Variants in CRAT observed in about 807,000 individuals in gnomAD.
The protein encoded by CRAT is carnitine O-acetyltransferase.
A neutral mutation model predicts 73.7 loss-of-function variants in CRAT; 66 were observed. The ratio of observed to expected loss-of-function variants is 0.90; its 90% CI spans 0.73 to 1.10. The LOEUF (loss-of-function observed/expected upper bound fraction) is 1.10. Among genes scored for constraint, CRAT ranks in the 50% least tolerant of loss-of-function variants. The pLI is 0.00. For synonymous variants in CRAT, 321 were observed against 343.2 expected, an observed-to-expected ratio of 0.94 and a Z score of 0.71; for missense variants, 745 against 846.9, an observed-to-expected ratio of 0.88 and a Z score of 1.49.
chr9:129,101,294 A>G (rs2182730), intron 6 of CRAT, among the ~76,000 whole-genome samples: 151,736 of 152,348 alleles, frequency 1, 75,570 homozygotes, highest in Middle Eastern at 1. Flanking sequence ...TGGGAAAAGG[A>G]CTTGTGGGGT....
intron 1 of CRAT, chr9:129,108,596 G>A: frequency 1.9e-6 from 2 of 1,059,050 alleles, no homozygotes; most frequent in Admixed American, 3.4e-5. Flanking sequence ...GGCAGGGGTG[G>A]GGTGAGGGCA....
Position 129,097,235 on chromosome 9 carries a change from A to G in CRAT, c.1527+15T>C. 1.3e-6 allele frequency: 2 copies of G among 1,551,278 alleles called. No individual in the cohort carries two copies. The highest frequency in any genetic ancestry group is 1.4e-5 in the African/African-American group (1 of 73,778). On this transcript the variant is annotated intron_variant, in intron 12 of 13. Transcript: ENST00000318080. Reference sequence around the variant, plus strand: ...ACTAAGGGACAAGTGAGTAGGCACAAGCGGGCTCACTTACCCGGTCGGTGT... The same window carrying G: ...ACTAAGGGACAAGTGAGTAGGCACAGGCGGGCTCACTTACCCGGTCGGTGT...
At position 129,099,941 on chromosome 9, in the gene CRAT, C is replaced by A; in HGVS notation, c.1010G>T (p.Cys337Phe). The change falls in exon 8 of 14, where the codon TGT becomes TTT. Residue 337 changes from cysteine to phenylalanine, a missense_variant. Cys to Phe is a radical substitution (Grantham distance 205). Coordinates refer to ENST00000318080, the MANE Select transcript of CRAT (RefSeq NM_000755.5). ...LQFIVAEDGS[C>F]GLVYEHAAAE... The stretch of plus-strand genomic sequence containing the variant: ...TGCAGCATGCTCGTACACAAGCCCA[C>A]AGGAGCCATCTTCTGCCACGATGAA... 6.2e-7 allele frequency: 1 copy of A among 1,613,596 alleles called. No homozygotes were observed. The highest frequency in any genetic ancestry group is 1.3e-5 in the African/African-American group (1 of 75,048).
In CRAT at chr9:129,099,593, ATTTTT is replaced by A. The variant is rs67170109; in HGVS notation, c.1085+268_1085+272del. Among the ~76,000 whole-genome samples the A allele has an allele frequency of 5.5e-5, 8 of 145,092 alleles. No individual in the cohort carries two copies. The East Asian group carries it at 1.4e-3, about 26-fold the overall frequency. Reference sequence around the variant, plus strand: ...AGGCATGTGATACCACACCTGGGTAATTTTTTTTTTTTTTGTATTTTTAGTAGAGA... The same window carrying A: ...AGGCATGTGATACCACACCTGGGTAATTTTTTTTTGTATTTTTAGTAGAGA... On this transcript the variant is annotated intron_variant, in intron 8 of 13. Coordinates refer to ENST00000318080, the MANE Select transcript of CRAT (RefSeq NM_000755.5).
In CRAT at chr9:129,110,736, C is replaced by T. The variant is rs367764767; in HGVS notation, c.-227G>A. On this transcript the variant is annotated 5_prime_UTR_variant, in exon 1 of 14. Transcript: ENST00000318080. This position sits in a 1 kb window ranked among gnomAD's most constrained non-coding sequence, Gnocchi z 5.3. ...GAGGACTCGCGAGGCGGGGCCTGGGCCGGTAGCGGGCCCCGGGCGGGCAAC... is the reference window on the plus strand; with the variant it reads ...GAGGACTCGCGAGGCGGGGCCTGGGTCGGTAGCGGGCCCCGGGCGGGCAAC... 30 of 607,190 alleles carry T rather than the reference C, an allele frequency of 4.9e-5. No individual in the cohort carries two copies. Among genetic ancestry groups the T allele is most frequent in the South Asian group, 3.1e-4 (14 of 44,502 alleles). 37.6% of individuals were successfully genotyped at this position (607,190 alleles called of 1,614,324 possible).
chr9:129,110,403 G>A lies in CRAT; in HGVS notation c.27+80C>T. On this transcript the variant is annotated intron_variant, in intron 1 of 13. Coordinates refer to ENST00000318080, the MANE Select transcript of CRAT (RefSeq NM_000755.5). This position sits in a 1 kb window ranked among gnomAD's most constrained non-coding sequence, Gnocchi z 5.3. ...CCGGGTCGAACAGCGGCCGCAGGAC[G>A]CGGTCTCCGTTCCCGGACGCAACCG... The A allele has an allele frequency of 9.3e-6, 13 of 1,391,096 alleles. No individual in the cohort carries two copies. The highest frequency in any genetic ancestry group is 1.2e-5 in the Non-Finnish European group (13 of 1,053,686). The allele number at this position is 1,391,096 out of a possible 1,614,324, so 86.2% of individuals were successfully genotyped here.
In CRAT at chr9:129,102,570, G is replaced by A; in HGVS notation, c.465-5C>T. The stretch of plus-strand genomic sequence containing the variant: ...TACTCCACGGGCAGGGTCTCGCTAT[G>A]GGGTAGAGGGGCAGTGAGGCCACCA... On this transcript the variant is annotated splice_polypyrimidine_tract_variant and splice_region_variant and intron_variant, in intron 4 of 13. Coordinates refer to ENST00000318080, the MANE Select transcript of CRAT (RefSeq NM_000755.5). 5 of 1,613,768 alleles carry A rather than the reference G, an allele frequency of 3.1e-6. No homozygotes were observed. Among genetic ancestry groups the A allele is most frequent in the Non-Finnish European group, 4.2e-6 (5 of 1,179,780 alleles).
At chr9:129,101,784 G>T in intron 6 of CRAT, 99 bp downstream of exon 6, 1 of 1,383,700 alleles carries the variant, frequency 7.2e-7, no homozygotes, top group Non-Finnish European at 9.9e-7. Flanking sequence ...TTCCTTTGTT[G>T]CCAGCAGACT....
rs1259194829 is a variant in CRAT, at chr9:129,098,332, G to A, written c.1245C>T (p.His415=). 3 of 1,614,018 alleles carry A rather than the reference G, an allele frequency of 1.9e-6. No homozygotes were observed. The highest frequency in any genetic ancestry group is 4.5e-5 in the East Asian group (2 of 44,890). Residue 415 remains histidine (H), a synonymous_variant, in exon 10 of 14, where the codon CAC becomes CAT. Coordinates refer to ENST00000318080, the MANE Select transcript of CRAT (RefSeq NM_000755.5). ...ACTTGGGGAAGTCTTTTCCAAAATG[G>A]TGGAACACCATCACGGTGATATCCA... The part of the protein sequence containing the change: ...QDLDITVMVF[H]HFGKDFPKSE...
At chr9:129,102,661 C>A in intron 4 of CRAT, 96 bp from the exon 5 acceptor site, 7 of 1,387,936 alleles carry the variant, frequency 5.0e-6, no homozygotes, top group Non-Finnish European at 7.1e-6. Flanking sequence ...TGGGGGCTCA[C>A]ACAGTGTCCC....
chr9:129,096,983 G>T (rs1398175083), intron 12 of CRAT, among the ~76,000 whole-genome samples: 1 of 151,618 alleles, frequency 6.6e-6, no homozygotes, highest in Non-Finnish European at 1.5e-5. Context: ...CAGGAGAATT[G>T]CTTGAACCTG....
In CRAT at chr9:129,104,799, T is replaced by G. The variant is rs1423006259; in HGVS notation, c.292-493A>C. 7.3e-5 allele frequency among the ~76,000 whole-genome samples: 11 copies of G among 150,902 alleles called. No individual in the cohort carries two copies. In the East Asian group the frequency reaches 1.4e-3, roughly 19 times the overall value. On this transcript the variant is annotated intron_variant, in intron 2 of 13. Coordinates refer to ENST00000318080, the MANE Select transcript of CRAT (RefSeq NM_000755.5). ...TTTTGTATTTTTAGTAGAGACGGGG[T>G]TTCACCGTGTTAGCCAGGATGGTCT...
rs1285357099 is a variant in CRAT, at chr9:129,107,134, A to G, written c.291+680T>C. On this transcript the variant is annotated intron_variant, in intron 2 of 13. Coordinates refer to ENST00000318080, the MANE Select transcript of CRAT (RefSeq NM_000755.5). This position sits in a 1 kb window ranked among gnomAD's most constrained non-coding sequence, Gnocchi z 5.0. ...CTGCAACCTCCACCTGCCAGGTTCA[A>G]GCAATTCTCCTGCCTCAGCCTCCCC... Among the ~76,000 whole-genome samples the G allele has an allele frequency of 1.3e-5, 2 of 152,094 alleles. No individual in the cohort carries two copies. Among genetic ancestry groups the G allele is most frequent in the African/African-American group, 4.8e-5 (2 of 41,398 alleles).
At chr9:129,108,669 A>T in intron 1 of CRAT, 5 of 1,266,956 alleles carry the variant, frequency 3.9e-6, no homozygotes, top group Non-Finnish European at 5.2e-6. Flanking sequence ...AGAGAGAAAG[A>T]GAAAGTCCAG....
In CRAT at chr9:129,098,088, G is replaced by GC; in HGVS notation, c.1388dup (p.Arg464ProfsTer21). On this transcript the variant is annotated frameshift_variant, in exon 11 of 14. Transcript: ENST00000318080. LOFTEE classifies it high-confidence loss of function. ...AAGCCGAGCGGATGGTGTCGGTGCG[G>GC]CCCAGGTGAAACATGCGCAGGGAGG... The GC allele has an allele frequency of 6.2e-7, 1 of 1,614,056 alleles. No individual in the cohort carries two copies. Among genetic ancestry groups the GC allele is most frequent in the Non-Finnish European group, 8.5e-7 (1 of 1,180,042 alleles).
Position 129,100,564 on chromosome 9 carries a change from C to T in CRAT, c.931G>A (p.Gly311Arg). The T allele has an allele frequency of 1.2e-6, 2 of 1,613,962 alleles. No homozygotes were observed. The highest frequency in any genetic ancestry group is 1.7e-6 in the Non-Finnish European group (2 of 1,180,000). Residue 311 changes from glycine (G) to arginine (R), a missense_variant, in exon 7 of 14, where the codon GGG becomes AGG. By Grantham distance (125) the Gly-to-Arg change is moderately radical (BLOSUM62 -2). Coordinates refer to ENST00000318080, the MANE Select transcript of CRAT (RefSeq NM_000755.5). ...RSHVAGQMLH[G>R]GGSRLNSGNR... ...CCGCTGTTGAGCCTGCTGCCGCCCC[C>T]ATGCAGCATCTGGCCTGCCACGTGG...
At chr9:129,108,129 G>A in intron 1 of CRAT, 52 bp from the exon 2 acceptor site, 1 of 1,494,092 alleles carries the variant, frequency 6.7e-7, no homozygotes, top group Non-Finnish European at 8.8e-7. Context: ...TGGAGCCCTG[G>A]CAGCCCCAAA....
intron 6 of CRAT, 129 bp from the exon 7 acceptor site, chr9:129,100,818 C>A: frequency 1.7e-6 from 2 of 1,146,178 alleles, no homozygotes; most frequent in Admixed American, 2.8e-5. Context: ...ATGAGGAGAC[C>A]CCCCACCTCG....
Position 129,110,417 on chromosome 9 carries a change from C to T in CRAT, c.27+66G>A. 2 of 1,468,162 alleles carry T rather than the reference C, an allele frequency of 1.4e-6. No homozygotes were observed. The highest frequency in any genetic ancestry group is 1.8e-6 in the Non-Finnish European group (2 of 1,110,952). The allele number at this position is 1,468,162 out of a possible 1,614,324, so 90.9% of individuals were successfully genotyped here. A position where few individuals can be genotyped will look rare whatever the true frequency, so the allele number is the denominator to read the frequency against. On this transcript the variant is annotated intron_variant, in intron 1 of 13. Coordinates refer to ENST00000318080, the MANE Select transcript of CRAT (RefSeq NM_000755.5). This position sits in a 1 kb window ranked among gnomAD's most constrained non-coding sequence, Gnocchi z 5.3. ...GGCCGCAGGACGCGGTCTCCGTTCC[C>T]GGACGCAACCGCACGGCCCGCCCAG...
Sources: gnomAD v4.1 joint callset for allele counts (sites outside exome capture counted in the v4.1 genomes callset) on GRCh38, gnomAD v4.1.1 for gene constraint, Gnocchi (gnomAD v3.1) non-coding constraint, MANE v1.5 for transcripts, NCBI Gene and HGNC (gene_info 2026-07-23, HGNC 2026-07-21) for gene names.